Variants in PNPLA4 observed in about 807,000 individuals in gnomAD.
PNPLA4 encodes the protein patatin like domain 4, phospholipase and triacylglycerol lipase.
PNPLA4 carries 15 observed loss-of-function variants against 18.3 expected under a neutral mutation model. The observed-to-expected ratio is 0.82, with a 90% CI of 0.55 to 1.26. The LOEUF is 1.26. Ranked by LOEUF, PNPLA4 falls within the 50% of genes most tolerant of loss-of-function variation. The pLI is 0.00. For synonymous variants in PNPLA4, 88 were observed against 85.6 expected, an observed-to-expected ratio of 1.03 and a Z score of -0.16; for missense variants, 229 against 196.8, an observed-to-expected ratio of 1.16 and a Z score of -0.98.
intron 2 of PNPLA4, among the ~76,000 whole-genome samples, chrX:7,922,802 T>C (rs1471992425): frequency 8.9e-6 from 1 of 111,840 alleles, no homozygotes; most frequent in Non-Finnish European, 1.9e-5. Context: ...CTATTTTGTA[T>C]TAAATAATGA....
At position 7,922,562 on chromosome X, in the gene PNPLA4, C is replaced by T. The variant is rs1043130229; in HGVS notation, c.181-464G>A. ...TTTGCACAGACTGAATCAGAGTCTT[C>T]GGAGATTCATCTTGGGCACTGGTAT... On this transcript the variant is annotated intron_variant, in intron 2 of 6. Coordinates refer to ENST00000381042, the MANE Select transcript of PNPLA4 (RefSeq NM_004650.3). Among the ~76,000 whole-genome samples, 5 of 111,981 alleles carry T rather than the reference C, an allele frequency of 4.5e-5. No individual in the cohort carries two copies. The South Asian group carries it at 1.1e-3, about 25-fold the overall frequency.
intron 6 of PNPLA4, among the ~76,000 whole-genome samples, chrX:7,901,772 C>A (rs1168100103): frequency 1.8e-5 from 2 of 111,462 alleles, no homozygotes; most frequent in African/African-American, 6.5e-5. Context: ...CCAGCCTGGG[C>A]AACCTAGTGA....
intron 5 of PNPLA4, among the ~76,000 whole-genome samples, chrX:7,904,691 A>G (rs992948649): frequency 1.8e-5 from 2 of 112,582 alleles, no homozygotes; most frequent in Non-Finnish European, 3.8e-5. Flanking sequence ...AAAATCTTGC[A>G]TAGTAAACAC....
Position 7,922,031 on chromosome X carries a change from G to A in PNPLA4, c.248C>T (p.Pro83Leu), listed in dbSNP as rs1462206636. The change falls in exon 3 of 7, where the codon CCC becomes CTC. Residue 83 changes from proline (P) to leucine (L), a missense_variant. By Grantham distance (98) the Pro-to-Leu change is moderately conservative. Transcript: ENST00000381042. ...TAGTCGGGCCATGAAGTCATAACCG[G>A]GCGTTACTGCCCCGAAAGACTGCCT... ...IRRQSFGAVTPGYDFMARLRS... is the reference protein window; with the variant it reads ...IRRQSFGAVTLGYDFMARLRS... 8.3e-7 allele frequency: 1 copy of A among 1,208,403 alleles called. No individual in the cohort carries two copies. The highest frequency in any genetic ancestry group is 3.0e-5 in the East Asian group (1 of 33,812).
At position 7,923,393 on chromosome X, in the gene PNPLA4, G is replaced by T. The variant is rs930311505; in HGVS notation, c.181-1295C>A. ...TGGGCACCCTCCAGAAACTGGAAAA[G>T]GTAAGGAAATGGATTCTCCCCTGGA... is the stretch of plus-strand genomic sequence containing the variant. On this transcript the variant is annotated intron_variant, in intron 2 of 6. Transcript: ENST00000381042. Among the ~76,000 whole-genome samples the T allele has an allele frequency of 8.9e-5, 10 of 112,032 alleles. No individual in the cohort carries two copies. The Admixed American group carries it at 9.4e-4, about 11-fold the overall frequency.
At chrX:7,910,865 G>C (rs1473791085) in intron 5 of PNPLA4, among the ~76,000 whole-genome samples, 6 of 108,220 alleles carry the variant, frequency 5.5e-5, no homozygotes, top group Non-Finnish European at 1.1e-4. Flanking sequence ...CTAGTAGTTA[G>C]ATATCTACTC....
intron 5 of PNPLA4, among the ~76,000 whole-genome samples, chrX:7,906,894 C>G (rs749941229): frequency 8.9e-6 from 1 of 112,515 alleles, no homozygotes; most frequent in Non-Finnish European, 1.9e-5. Context: ...TTTTCACGTT[C>G]CTGTAATAGT....
intron 4 of PNPLA4, among the ~76,000 whole-genome samples, chrX:7,912,637 T>C (rs758666810): frequency 8.9e-6 from 1 of 112,190 alleles, no homozygotes; most frequent in Admixed American, 9.5e-5. Context: ...AATTATGCTT[T>C]ATCTCCCATT....
At position 7,899,649 on chromosome X, in the gene PNPLA4, G is replaced by C. The variant is rs888075997; in HGVS notation, c.*1037C>G. On this transcript the variant is annotated 3_prime_UTR_variant, in exon 7 of 7. Transcript: ENST00000381042. ...GGCGAGAGAGAGAGAGAGAGAGAGAGAGAGAGAGAGAGAGAGAGAGAGAGA... is the reference window on the plus strand; with the variant it reads ...GGCGAGAGAGAGAGAGAGAGAGAGACAGAGAGAGAGAGAGAGAGAGAGAGA... 5 of 96,326 alleles carry C rather than the reference G, an allele frequency of 5.2e-5. No individual in the cohort carries two copies. The highest frequency in any genetic ancestry group is 1.5e-4 in the African/African-American group (4 of 26,735). 7.9% of individuals were successfully genotyped at this position (96,326 alleles called of 1,213,427 possible).
upstream of PNPLA4, chrX:7,927,526 C>T (rs1045308510): frequency 7.0e-5 from 8 of 113,568 alleles, no homozygotes; most frequent in African/African-American, 2.2e-4. Flanking sequence ...TCAACCTGGC[C>T]GCTAGACCGG....
chrX:7,900,454 C>A lies in PNPLA4; in HGVS notation c.*232G>T. ...TTTTTTAAAGGACACAACAGTTCACCAAAAATGATTCCTTATCACCTAAGT... is the reference window on the plus strand; with the variant it reads ...TTTTTTAAAGGACACAACAGTTCACAAAAAATGATTCCTTATCACCTAAGT... On this transcript the variant is annotated 3_prime_UTR_variant, in exon 7 of 7. Transcript: ENST00000381042. 1 of 225,366 alleles carries A rather than the reference C, an allele frequency of 4.4e-6. No individual in the cohort carries two copies. Among genetic ancestry groups the A allele is most frequent in the Non-Finnish European group, 8.0e-6 (1 of 124,748 alleles). 18.6% of individuals were successfully genotyped at this position (225,366 alleles called of 1,213,427 possible). A position where few individuals can be genotyped will look rare whatever the true frequency, so the allele number is the denominator to read the frequency against.
In PNPLA4 at chrX:7,927,395, C is replaced by T. The variant is rs1924468170; in HGVS notation, c.-123G>A. 1 of 113,335 alleles carries T rather than the reference C, an allele frequency of 8.8e-6. No individual in the cohort carries two copies. Among genetic ancestry groups the T allele is most frequent in the African/African-American group, 3.2e-5 (1 of 31,296 alleles). 9.3% of individuals were successfully genotyped at this position (113,335 alleles called of 1,213,427 possible). ...CACCAAGGCCGCGCTACGCTCTCCG[C>T]GAGCCGGCCCAGGAAAGTCCTGCGG... On this transcript the variant is annotated 5_prime_UTR_variant, in exon 1 of 7. Transcript: ENST00000381042.
rs760733416 is a variant in PNPLA4 at position 7,899,314 on chromosome X, T to C, written c.*1372A>G. ...GGAATTAAATTGGTTTGTCTCTAAC[T>C]GCCTCTTAGTAATCAAGAGTTCTTG... On this transcript the variant is annotated 3_prime_UTR_variant, in exon 7 of 7. Transcript: ENST00000381042. 1.8e-5 allele frequency: 2 copies of C among 111,202 alleles called. No individual in the cohort carries two copies. Among genetic ancestry groups the C allele is most frequent in the East Asian group, 5.7e-4 (2 of 3,508 alleles). The allele number at this position is 111,202 out of a possible 1,213,427, so 9.2% of individuals were successfully genotyped here.
At chrX:7,912,749 C>T (rs1236410918) in intron 4 of PNPLA4, among the ~76,000 whole-genome samples, 1 of 112,004 alleles carries the variant, frequency 8.9e-6, no homozygotes, top group Non-Finnish European at 1.9e-5. Flanking sequence ...TTTATTTTGC[C>T]GTGTAGTTTC....
intron 5 of PNPLA4, among the ~76,000 whole-genome samples, chrX:7,907,321 C>A (rs1206396130): frequency 8.9e-6 from 1 of 112,275 alleles, no homozygotes; most frequent in African/African-American, 3.2e-5. Context: ...GCCCAGCCAA[C>A]CCTACAGCTT....
intron 5 of PNPLA4, among the ~76,000 whole-genome samples, chrX:7,908,189 AGTGGAGAGACTAGACTCTGCCCC>A (rs2146755464): frequency 8.9e-6 from 1 of 111,849 alleles, no homozygotes; most frequent in East Asian, 2.8e-4. Flanking sequence ...AAAAGTCACA[AGTGGAGAGACTAGACTCTGCCCC>A]TGTTGGCTGA....
At chrX:7,916,039 C>G (rs1452764403) in intron 4 of PNPLA4, among the ~76,000 whole-genome samples, 1 of 111,630 alleles carries the variant, frequency 9.0e-6, no homozygotes, top group African/African-American at 3.3e-5. Flanking sequence ...CTGGGTACCT[C>G]TACCCTAGAG....
chrX:7,926,063 C>T lies in PNPLA4; in HGVS notation c.57G>A (p.Leu19=). Residue 19 remains leucine, a synonymous_variant, in exon 2 of 7, where the codon TTG becomes TTA. Coordinates refer to ENST00000381042, the MANE Select transcript of PNPLA4 (RefSeq NM_004650.3). Reference sequence around the variant, plus strand: ...GTCTGCAAAGTGCAGATGCTGCCCCCAAGTGGTAAATGCCCAGAAATCCAC... The same window carrying T: ...GTCTGCAAAGTGCAGATGCTGCCCCTAAGTGGTAAATGCCCAGAAATCCAC... The part of the protein sequence containing the change: ...AACGFLGIYH[L]GAASALCRHG... 8.3e-7 allele frequency: 1 copy of T among 1,211,068 alleles called. No individual in the cohort carries two copies. Among genetic ancestry groups the T allele is most frequent in the Non-Finnish European group, 1.1e-6 (1 of 894,822 alleles).
upstream of PNPLA4, chrX:7,927,679 A>G (rs1211191052): frequency 1.8e-5 from 2 of 112,759 alleles, no homozygotes; most frequent in Admixed American, 1.9e-4. Flanking sequence ...ACCTGCGAGC[A>G]ACTGACCTTT....
Sources: allele counts gnomAD v4.1 joint callset (sites outside exome capture counted in the v4.1 genomes callset), GRCh38; gene constraint gnomAD v4.1.1; transcripts MANE v1.5; gene names NCBI Gene and HGNC (gene_info 2026-07-23, HGNC 2026-07-21).